VDR: variants seen among roughly 807,000 people sequenced by gnomAD.
The protein encoded by VDR is vitamin D receptor.
VDR carries 19 observed loss-of-function variants against 39.7 expected under a neutral mutation model. That is an observed-to-expected ratio of 0.48 (90% CI 0.33 to 0.70). The LOEUF is 0.70. Among genes scored for constraint, VDR ranks in the 30% least tolerant of loss-of-function variants. VDR has a pLI of 0.02. For missense variants in VDR, 442 were observed against 570.5 expected, an observed-to-expected ratio of 0.77 and a Z score of 2.29; for synonymous variants, 242 against 215.8, an observed-to-expected ratio of 1.12 and a Z score of -1.07.
intron 7 of VDR, among the ~76,000 whole-genome samples, chr12:47,850,175 A>AAT (rs964129950): frequency 6.6e-6 from 1 of 152,128 alleles, no homozygotes; most frequent in Admixed American, 6.6e-5. Context: ...TTTCTATGCA[A>AAT]ATATATATAT....
At chr12:47,857,040 A>ACCT in intron 6 of VDR, 89 bp downstream of exon 6, 1 of 1,593,750 alleles carries the variant, frequency 6.3e-7, no homozygotes, top group Non-Finnish European at 8.6e-7. Flanking sequence ...GGAGCCTTCC[A>ACCT]CCTCCTTCCA....
chr12:47,904,462 T>TAAAAAAAAAAAAAAAAAAAA (rs17886628), intron 1 of VDR: 60 of 360,338 alleles, frequency 1.7e-4, no homozygotes, highest in East Asian at 2.7e-4. Flanking sequence ...CAAAGAAAAG[T>TAAAAAAAAAAAAAAAAAAAA]AAAAAAAAAA....
chr12:47,874,206 A>C (rs907706087), intron 3 of VDR, among the ~76,000 whole-genome samples: 1 of 152,120 alleles, frequency 6.6e-6, no homozygotes. Flanking sequence ...TTTCATTCAC[A>C]TCCTTGAATA....
intron 2 of VDR, among the ~76,000 whole-genome samples, chr12:47,880,085 G>T (rs1946114941): frequency 6.6e-6 from 1 of 152,126 alleles, no homozygotes; most frequent in Non-Finnish European, 1.5e-5. Context: ...GCCCTGAAAT[G>T]CTTTCAGACC....
At chr12:47,904,924 A>AC (rs36096819) in intron 1 of VDR, 31 bp downstream of exon 1, 9 of 233,426 alleles carry the variant, frequency 3.9e-5, no homozygotes, top group Middle Eastern at 1.3e-3. Flanking sequence ...CTATCCTGAG[A>AC]CCCCCTTTCC....
At chr12:47,879,793 A>G (rs557577702) in intron 2 of VDR, among the ~76,000 whole-genome samples, 1 of 152,284 alleles carries the variant, frequency 6.6e-6, no homozygotes, top group East Asian at 1.9e-4. Context: ...AACACTTAAA[A>G]CATTATTTTG....
chr12:47,855,790 A>C lies in VDR; in HGVS notation c.595T>G (p.Ser199Ala). Residue 199 changes from serine (S) to alanine (A), a missense_variant, in exon 7 of 10, where the codon TCG becomes GCG. This residue lies in a region of VDR where 77 missense variants were observed against 67.4 expected (regional missense o/e 1.14). Transcript: ENST00000549336. ...HCITSSDMMDSSSFSNLDLSE... is the reference protein window; with the variant it reads ...HCITSSDMMDASSFSNLDLSE... ...AGATCCAGATTGGAGAAGCTGGACGAGTCCATCATGTCTGGGAGAGATGAG... is the reference window on the plus strand; with the variant it reads ...AGATCCAGATTGGAGAAGCTGGACGCGTCCATCATGTCTGGGAGAGATGAG... 1 of 1,613,980 alleles carries C rather than the reference A, an allele frequency of 6.2e-7. No individual in the cohort carries two copies.
intron 7 of VDR, among the ~76,000 whole-genome samples, chr12:47,852,471 G>A (rs1469382322): frequency 6.6e-6 from 1 of 152,180 alleles, no homozygotes; most frequent in Non-Finnish European, 1.5e-5. Flanking sequence ...GTAAACCCTG[G>A]GCTCAGAGCA....
chr12:47,885,907 G>T (rs1312453132), intron 1 of VDR, among the ~76,000 whole-genome samples: 1 of 152,166 alleles, frequency 6.6e-6, no homozygotes, highest in Non-Finnish European at 1.5e-5. Flanking sequence ...TCATTAGCCA[G>T]ATGAACCACA....
chr12:47,888,645 C>T (rs188594825), intron 1 of VDR, among the ~76,000 whole-genome samples: 4 of 152,108 alleles, frequency 2.6e-5, no homozygotes, highest in Admixed American at 1.3e-4. Flanking sequence ...TGGCCGGTGA[C>T]GCATAGGGGA....
At chr12:47,851,749 T>C (rs754434044) in intron 7 of VDR, among the ~76,000 whole-genome samples, 5 of 152,220 alleles carry the variant, frequency 3.3e-5, no homozygotes, top group African/African-American at 4.8e-5. Context: ...GCAAGCTCTC[T>C]TAGCAAGGCC....
chr12:47,867,768 ACTGACGTCAT>A (rs1945767505), intron 3 of VDR, among the ~76,000 whole-genome samples: 1 of 152,228 alleles, frequency 6.6e-6, no homozygotes, highest in South Asian at 2.1e-4. Context: ...GAGATGAGCT[ACTGACGTCAT>A]CTGCTCAGGG....
Position 47,882,532 on chromosome 12 carries a change from T to C in VDR, c.-3+162A>G, listed in dbSNP as rs534125100. The C allele has an allele frequency of 2.6e-4, 168 of 634,744 alleles. No individual in the cohort carries two copies. In the East Asian group the frequency reaches 4.7e-3, roughly 18 times the overall value. 39.3% of individuals were successfully genotyped at this position (634,744 alleles called of 1,614,324 possible). ...CTCCCACCCGCACCCCACACACTCA[T>C]GCATCTCAGTTGCAGACTCTGCTGG... On this transcript the variant is annotated intron_variant, in intron 2 of 9. Transcript: ENST00000549336.
chr12:47,850,877 C>A lies in VDR; in HGVS notation c.756-4069G>T, dbSNP rs2239183. On this transcript the variant is annotated intron_variant, in intron 7 of 9. Transcript: ENST00000549336. ...GAGCCCGGCCCCTCCCCTCCCCTCC[C>A]GCATTCCCACGGTACCTCCAGCAGG... 2.8e-3 allele frequency among the ~76,000 whole-genome samples: 425 copies of A among 152,134 alleles called. 24 individuals carry two copies. The East Asian group carries it at 0.071, about 25-fold the overall frequency.
chr12:47,872,299 AG>A (rs1356404416), intron 3 of VDR, among the ~76,000 whole-genome samples: 1 of 152,274 alleles, frequency 6.6e-6, no homozygotes. Context: ...ATAAAGGAAA[AG>A]GGAACAGGAC....
At chr12:47,877,456 A>G (rs577034163) in intron 3 of VDR, among the ~76,000 whole-genome samples, 2 of 152,306 alleles carry the variant, frequency 1.3e-5, no homozygotes, top group East Asian at 3.9e-4. Context: ...GGTGGATATC[A>G]ATACATGCAT....
At chr12:47,864,447 G>T (rs1305252502) in intron 4 of VDR, among the ~76,000 whole-genome samples, 2 of 152,214 alleles carry the variant, frequency 1.3e-5, no homozygotes, top group Non-Finnish European at 2.9e-5. Context: ...AGAACCCAGT[G>T]CTTCCCCTGG....
At chr12:47,853,474 C>T (rs1045854311) in intron 7 of VDR, among the ~76,000 whole-genome samples, 5 of 146,456 alleles carry the variant, frequency 3.4e-5, no homozygotes, top group African/African-American at 1.0e-4. Context: ...GAATATTGGC[C>T]GGGCGTGGTG....
rs181997677 is a variant in VDR, at chr12:47,899,091, G to T, written c.-84+5864C>A. On this transcript the variant is annotated intron_variant, in intron 1 of 9. Transcript: ENST00000549336. ...AAAAAAGAATTGAAGAACCCAAGTT[G>T]CAGAGAAGCTAAGTAACCTTCACAA... 2.6e-3 allele frequency among the ~76,000 whole-genome samples: 402 copies of T among 152,276 alleles called. 1 individual carries two copies. Among genetic ancestry groups the T allele is most frequent in the Non-Finnish European group, 3.3e-3 (224 of 68,012 alleles).
Sources: gnomAD v4.1 joint callset for allele counts (sites outside exome capture counted in the v4.1 genomes callset) on GRCh38, gnomAD v4.1.1 for gene constraint, gnomAD v4.1.1 regional missense constraint, MANE v1.5 for transcripts, NCBI Gene and HGNC (gene_info 2026-07-23, HGNC 2026-07-21) for gene names.